CACNB2: variants seen among roughly 807,000 people sequenced by gnomAD.
CACNB2 encodes voltage-dependent L-type calcium channel subunit beta-2.
CACNB2 carries 42 observed loss-of-function variants against 73.3 expected under a neutral mutation model. The ratio of observed to expected loss-of-function variants is 0.57; its 90% confidence interval spans 0.45 to 0.74. CACNB2 has a LOEUF of 0.74. Ranked by LOEUF, CACNB2 falls within the 30% of genes least tolerant of loss-of-function variation. The pLI, the probability that CACNB2 is intolerant of heterozygous loss-of-function variation, is 0.00. For synonymous variants in CACNB2, 348 were observed against 310.3 expected (o/e 1.12, Z -1.28); for missense variants, 940 against 853.0 (o/e 1.10, Z -1.27).
chr10:18,508,408 T>A (rs2133085601), intron 6 of CACNB2, among the ~76,000 whole-genome samples: 1 of 152,292 alleles, frequency 6.6e-6, no homozygotes, highest in East Asian at 1.9e-4. Flanking sequence ...CTGTTCCTTC[T>A]CAAATGTGTG....
chr10:18,229,623 C>T (rs1014558808), intron 2 of CACNB2, among the ~76,000 whole-genome samples: 1 of 152,030 alleles, frequency 6.6e-6, no homozygotes, highest in Non-Finnish European at 1.5e-5. Flanking sequence ...AACAAAATGA[C>T]AGGCTTTTTA....
At chr10:18,502,704 A>C (rs1006495872) in intron 5 of CACNB2, among the ~76,000 whole-genome samples, 20 of 130,160 alleles carry the variant, frequency 1.5e-4, no homozygotes, top group East Asian at 6.0e-4. Context: ...AAAAAAAAAA[A>C]AAAAAAAAAA....
chr10:18,207,297 C>T (rs1401679193), intron 2 of CACNB2, among the ~76,000 whole-genome samples: 1 of 152,194 alleles, frequency 6.6e-6, no homozygotes, highest in Non-Finnish European at 1.5e-5. Flanking sequence ...GCATGACCTC[C>T]CAAAATGCTG....
intron 2 of CACNB2, among the ~76,000 whole-genome samples, chr10:18,227,669 A>G (rs2036048678): frequency 6.6e-6 from 1 of 152,170 alleles, no homozygotes; most frequent in Non-Finnish European, 1.5e-5. Context: ...TACTTTCCAG[A>G]CCCAGCGCTT....
chr10:18,464,418 T>TAAAATAAAAAA (rs1554824204), intron 3 of CACNB2, among the ~76,000 whole-genome samples: 32 of 85,304 alleles, frequency 3.8e-4, no homozygotes, highest in Admixed American at 1.4e-3. Context: ...TCTCAAAAAT[T>TAAAATAAAAAA]AAAAAAAAAA....
chr10:18,307,084 G>A (rs1290840730), intron 2 of CACNB2, among the ~76,000 whole-genome samples: 3 of 151,932 alleles, frequency 2.0e-5, no homozygotes, highest in African/African-American at 4.8e-5. Context: ...GATTATGGCA[G>A]AGAAAATGGT....
At chr10:18,412,191 C>T (rs2044669380) in intron 3 of CACNB2, among the ~76,000 whole-genome samples, 1 of 152,208 alleles carries the variant, frequency 6.6e-6, no homozygotes, top group South Asian at 2.1e-4. Context: ...CATATCTCTA[C>T]TTATGTCATG....
At chr10:18,445,162 A>G (rs961343149) in intron 3 of CACNB2, among the ~76,000 whole-genome samples, 2 of 151,956 alleles carry the variant, frequency 1.3e-5, no homozygotes, top group Admixed American at 6.6e-5. Context: ...TTATTCTGTT[A>G]TTTTTTCAGT....
At chr10:18,362,882 G>A (rs1054877351) in intron 2 of CACNB2, among the ~76,000 whole-genome samples, 4 of 151,372 alleles carry the variant, frequency 2.6e-5, no homozygotes, top group African/African-American at 7.3e-5. Flanking sequence ...GCACTCCAGC[G>A]TGGGCGACAG....
At chr10:18,165,066 C>T (rs1390981974) in intron 2 of CACNB2, among the ~76,000 whole-genome samples, 1 of 152,102 alleles carries the variant, frequency 6.6e-6, no homozygotes, top group Non-Finnish European at 1.5e-5. Context: ...TGAAGTCCAG[C>T]ATTACGAGTT....
At chr10:18,386,089 A>C (rs1165189915) in intron 2 of CACNB2, among the ~76,000 whole-genome samples, 2 of 152,224 alleles carry the variant, frequency 1.3e-5, no homozygotes, top group African/African-American at 4.8e-5. Flanking sequence ...CCACACTAAC[A>C]GTGCATTCGC....
chr10:18,224,768 C>T (rs1389068250), intron 2 of CACNB2, among the ~76,000 whole-genome samples: 1 of 152,178 alleles, frequency 6.6e-6, no homozygotes, highest in South Asian at 2.1e-4. Context: ...AACTTTACTG[C>T]GGGCTTTTAC....
At chr10:18,249,353 G>T (rs985715110) in intron 2 of CACNB2, among the ~76,000 whole-genome samples, 1 of 151,738 alleles carries the variant, frequency 6.6e-6, no homozygotes, top group Admixed American at 6.6e-5. Flanking sequence ...AGTGTCTTTT[G>T]TTTTTCCTTT....
At chr10:18,354,713 C>T (rs1170171768) in intron 2 of CACNB2, among the ~76,000 whole-genome samples, 1 of 152,124 alleles carries the variant, frequency 6.6e-6, no homozygotes, top group African/African-American at 2.4e-5. Context: ...GGAGTGGGGA[C>T]TTCTGAGAAG....
chr10:18,376,928 G>A (rs893641305), intron 2 of CACNB2, among the ~76,000 whole-genome samples: 17 of 152,176 alleles, frequency 1.1e-4, no homozygotes, highest in Admixed American at 7.9e-4. Flanking sequence ...TAGAATGAGC[G>A]GCTTGTCCAA....
chr10:18,196,293 CTTT>C (rs374846564), intron 2 of CACNB2, among the ~76,000 whole-genome samples: 5 of 136,734 alleles, frequency 3.7e-5, no homozygotes, highest in Non-Finnish European at 6.2e-5. Flanking sequence ...ACCAACAAAA[CTTT>C]TTTTTTTTTT....
intron 2 of CACNB2, among the ~76,000 whole-genome samples, chr10:18,354,161 A>G (rs556927363): frequency 2.0e-5 from 3 of 152,230 alleles, no homozygotes; most frequent in Non-Finnish European, 4.4e-5. Flanking sequence ...TATGACCCCT[A>G]TAGACCTCAA....
intron 3 of CACNB2, among the ~76,000 whole-genome samples, chr10:18,443,000 G>GTATATATATATATGTATATA (rs1564554162): frequency 2.6e-4 from 1 of 3,790 alleles, no homozygotes; most frequent in African/African-American, 1.9e-3. Context: ...ATATATATGT[G>GTATATATATATATGTATATA]TATATATATA....
chr10:18,365,348 C>T (rs1361107187), intron 2 of CACNB2, among the ~76,000 whole-genome samples: 2 of 152,164 alleles, frequency 1.3e-5, no homozygotes, highest in African/African-American at 4.8e-5. Flanking sequence ...TTTAAGGCCT[C>T]TTTTTAATTT....
Sources: gnomAD v4.1 joint callset for allele counts (sites outside exome capture counted in the v4.1 genomes callset) on GRCh38, gnomAD v4.1.1 for gene constraint, MANE v1.5 for transcripts, NCBI Gene and HGNC (gene_info 2026-07-23, HGNC 2026-07-21) for gene names.